Variants in CDK14 observed in about 807,000 individuals in gnomAD.
The protein encoded by CDK14 is cyclin-dependent kinase 14.
A neutral mutation model predicts 60.7 loss-of-function variants in CDK14; 34 were observed. The ratio of observed to expected loss-of-function variants is 0.56; its 90% CI spans 0.43 to 0.75. The LOEUF (loss-of-function observed/expected upper bound fraction) is 0.75, where lower values mean the gene tolerates loss of function less well. Among genes scored for constraint, CDK14 ranks in the 30% least tolerant of loss-of-function variants. The probability of loss-of-function intolerance (pLI) is 0.00; values close to 1 mark genes in which losing one functional copy is unlikely to be tolerated. For missense variants in CDK14, 482 were observed against 564.1 expected (o/e 0.85, Z 1.47); for synonymous variants, 197 against 203.7 (o/e 0.97, Z 0.28).
In CDK14 at chr7:90,596,464, C is replaced by G; in HGVS notation, c.-164C>G. 1.8e-6 allele frequency: 1 copy of G among 550,728 alleles called. No homozygotes were observed. Among genetic ancestry groups the G allele is most frequent in the Non-Finnish European group, 3.2e-6 (1 of 313,436 alleles). The allele number at this position is 550,728 out of a possible 1,614,324, so 34.1% of individuals were successfully genotyped here. On this transcript the variant is annotated 5_prime_UTR_variant, in exon 1 of 15. Coordinates refer to ENST00000380050, the MANE Select transcript of CDK14 (RefSeq NM_001287135.2). Reference sequence around the variant, plus strand: ...GGCCGGAGCGGAGCCTGCCGTCCTCCGCCTGCCTGCTGCTCGCCTCCCTAG... The same window carrying G: ...GGCCGGAGCGGAGCCTGCCGTCCTCGGCCTGCCTGCTGCTCGCCTCCCTAG...
chr7:91,054,523 T>C (rs990104461), intron 11 of CDK14, among the ~76,000 whole-genome samples: 1 of 152,230 alleles, frequency 6.6e-6, no homozygotes, highest in African/African-American at 2.4e-5. Flanking sequence ...AAGTAAAATA[T>C]GTAAACATGA....
At chr7:90,787,572 G>A (rs905717043) in intron 4 of CDK14, among the ~76,000 whole-genome samples, 7 of 152,108 alleles carry the variant, frequency 4.6e-5, no homozygotes, top group Admixed American at 2.0e-4. Context: ...TATTATAACA[G>A]CATTAATATT....
intron 2 of CDK14, among the ~76,000 whole-genome samples, chr7:90,649,651 C>T (rs775659539): frequency 8.6e-5 from 13 of 151,730 alleles, no homozygotes; most frequent in Non-Finnish European, 1.3e-4. Flanking sequence ...TGATGTTCCC[C>T]GCCCTGTGTC....
chr7:90,964,930 G>GACAAC, intron 9 of CDK14, among the ~76,000 whole-genome samples: 1 of 152,174 alleles, frequency 6.6e-6, no homozygotes, highest in South Asian at 2.1e-4. Context: ...ATTCTTATTA[G>GACAAC]TTGTCTTTGC....
intron 3 of CDK14, among the ~76,000 whole-genome samples, chr7:90,735,923 G>T (rs1803080631): frequency 1.3e-5 from 2 of 152,220 alleles, no homozygotes; most frequent in African/African-American, 4.8e-5. Context: ...CGGCTGCCCA[G>T]TTTTGTGCTT....
intron 10 of CDK14, among the ~76,000 whole-genome samples, chr7:91,037,047 GT>G (rs1222670476): frequency 1.3e-5 from 2 of 152,210 alleles, no homozygotes; most frequent in Non-Finnish European, 2.9e-5. Context: ...TCTTATAGAA[GT>G]TTTTATTCAG....
intron 10 of CDK14, among the ~76,000 whole-genome samples, chr7:91,013,177 TTC>T (rs1223206357): frequency 6.6e-6 from 1 of 152,218 alleles, no homozygotes; most frequent in East Asian, 1.9e-4. Context: ...AACCCCAAAT[TTC>T]TTTTTCCTTT....
chr7:90,674,990 A>G (rs188317476), intron 2 of CDK14, among the ~76,000 whole-genome samples: 11 of 152,356 alleles, frequency 7.2e-5, no homozygotes, highest in African/African-American at 2.4e-4. Flanking sequence ...CGTCAATTTC[A>G]GTAGCCCCAT....
At position 90,754,007 on chromosome 7, in the gene CDK14, G is replaced by A. The variant is rs191339311; in HGVS notation, c.464+6232G>A. Among the ~76,000 whole-genome samples the A allele has an allele frequency of 1.7e-4, 26 of 152,234 alleles. No homozygotes were observed. The South Asian group carries it at 4.6e-3, about 27-fold the overall frequency. Reference sequence around the variant, plus strand: ...ACACAAACAAATGGAAAAACATTTCGTGCTTTTGGATTGGAAGAATCAATA... The same window carrying A: ...ACACAAACAAATGGAAAAACATTTCATGCTTTTGGATTGGAAGAATCAATA... On this transcript the variant is annotated intron_variant, in intron 4 of 14. Coordinates refer to ENST00000380050, the MANE Select transcript of CDK14 (RefSeq NM_001287135.2).
intron 11 of CDK14, among the ~76,000 whole-genome samples, chr7:91,070,943 T>A (rs1019425468): frequency 6.6e-6 from 1 of 152,164 alleles, no homozygotes; most frequent in Admixed American, 6.5e-5. Context: ...CAGGCTCTTA[T>A]ATATTTTGGA....
chr7:91,129,567 A>T (rs1218642546), intron 14 of CDK14, among the ~76,000 whole-genome samples: 1 of 152,162 alleles, frequency 6.6e-6, no homozygotes, highest in African/African-American at 2.4e-5. Flanking sequence ...TTTTCCAGGC[A>T]TATGGTTTTT....
At chr7:91,070,291 TGG>T (rs1491288282) in intron 11 of CDK14, among the ~76,000 whole-genome samples, 1 of 152,126 alleles carries the variant, frequency 6.6e-6, no homozygotes, top group Non-Finnish European at 1.5e-5. Flanking sequence ...GTGGTGGTGG[TGG>T]TAGTGATGGT....
chr7:90,757,124 T>A (rs961390452), intron 4 of CDK14, among the ~76,000 whole-genome samples: 46 of 152,068 alleles, frequency 3.0e-4, no homozygotes, highest in African/African-American at 1.1e-3. Flanking sequence ...TGTCCTAGCT[T>A]CTGGTGGTGT....
intron 2 of CDK14, among the ~76,000 whole-genome samples, chr7:90,694,549 A>G (rs1286687874): frequency 6.6e-6 from 1 of 152,160 alleles, no homozygotes; most frequent in East Asian, 1.9e-4. Flanking sequence ...TTTGTATTGG[A>G]TAAAATATTT....
intron 6 of CDK14, among the ~76,000 whole-genome samples, chr7:90,876,924 CTG>C (rs1190713503): frequency 6.6e-6 from 1 of 152,198 alleles, no homozygotes; most frequent in African/African-American, 2.4e-5. Context: ...TTTTAATTAA[CTG>C]TTATTAGATT....
intron 4 of CDK14, among the ~76,000 whole-genome samples, chr7:90,768,697 C>T (rs1323813243): frequency 6.6e-6 from 1 of 152,156 alleles, no homozygotes; most frequent in Non-Finnish European, 1.5e-5. Flanking sequence ...GCATATTTGA[C>T]AACTAAGCAA....
At chr7:90,749,713 A>T (rs914440799) in intron 4 of CDK14, among the ~76,000 whole-genome samples, 2 of 152,138 alleles carry the variant, frequency 1.3e-5, no homozygotes, top group Non-Finnish European at 2.9e-5. Flanking sequence ...GGCTGCCTCC[A>T]CTTCCTCTGC....
intron 8 of CDK14, among the ~76,000 whole-genome samples, chr7:90,934,979 C>G (rs1048233290): frequency 6.6e-6 from 1 of 152,190 alleles, no homozygotes; most frequent in Non-Finnish European, 1.5e-5. Context: ...ATAGTACAGA[C>G]TAGGTAATTT....
intron 11 of CDK14, among the ~76,000 whole-genome samples, chr7:91,065,473 G>T (rs1454068633): frequency 6.6e-6 from 1 of 152,086 alleles, no homozygotes; most frequent in African/African-American, 2.4e-5. Flanking sequence ...CTAAAATTTT[G>T]GGAAAAGTCT....
Sources: allele counts gnomAD v4.1 joint callset (sites outside exome capture counted in the v4.1 genomes callset), GRCh38; gene constraint gnomAD v4.1.1; transcripts MANE v1.5; gene names NCBI Gene and HGNC (gene_info 2026-07-23, HGNC 2026-07-21).